Variants in CYP4A11 observed in about 807,000 individuals in gnomAD.
The protein encoded by CYP4A11 is cytochrome P450 family 4 subfamily A member 11.
In CYP4A11, 52 loss-of-function variants were observed where a neutral mutation model predicts 57.7. The observed-to-expected ratio is 0.90, with a 90% CI of 0.72 to 1.14. CYP4A11 has a LOEUF of 1.14. Ranked by LOEUF, CYP4A11 falls within the 50% of genes most tolerant of loss-of-function variation. The pLI, the probability that CYP4A11 is intolerant of heterozygous loss-of-function variation, is 0.00. For missense variants in CYP4A11, 641 were observed against 642.1 expected, an observed-to-expected ratio of 1.00 and a Z score of 0.02; for synonymous variants, 228 against 247.1, an observed-to-expected ratio of 0.92 and a Z score of 0.72.
chr1:46,935,042 G>C lies in CYP4A11; in HGVS notation c.748C>G (p.Arg250Gly), dbSNP rs1189078901. 3 of 1,614,020 alleles carry C rather than the reference G, an allele frequency of 1.9e-6. No individual in the cohort carries two copies. The highest frequency in any genetic ancestry group is 2.5e-6 in the Non-Finnish European group (3 of 1,180,030). Residue 250 changes from arginine (R) to glycine (G), a missense_variant, in exon 6 of 12, where the codon CGC (arginine) becomes GGC (glycine). Coordinates refer to ENST00000310638, the MANE Select transcript of CYP4A11 (RefSeq NM_000778.4). ...AGCTGGCAGGCGCGGTGTGTCCAGC[G>C]GCCAGCAGAGGTCAGGCTGTAGATG... ...DTIYSLTSAG[R>G]WTHRACQLAH...
At chr1:46,940,986 G>A (rs1257001785) in intron 1 of CYP4A11, 35 of 985,242 alleles carry the variant, frequency 3.6e-5, no homozygotes, top group Non-Finnish European at 4.2e-5. Flanking sequence ...CCACATGCAG[G>A]ACTGCCAAGA....
At chr1:46,934,620 A>C (rs1681262930) in intron 6 of CYP4A11, 61 bp from the exon 7 acceptor site, 1 of 1,515,074 alleles carries the variant, frequency 6.6e-7, no homozygotes, top group East Asian at 2.3e-5. Flanking sequence ...CAGGAGGCCT[A>C]GCTGCCCAAC....
Position 46,934,004 on chromosome 1 carries a change from G to T in CYP4A11, c.1164C>A (p.Gly388=), listed in dbSNP as rs1681204209. ...EALRLYPPVP[G]IGRELSTPVT... ...CGGGAGTGCTGAGCTCTCTGCCAAT[G>T]CCTGGCACCGGTGGGTAGAGCCTCA... The change falls in exon 9 of 12, where the codon GGC becomes GGA. Residue 388 remains glycine, a synonymous_variant. Coordinates refer to ENST00000310638, the MANE Select transcript of CYP4A11 (RefSeq NM_000778.4). 1.9e-6 allele frequency: 3 copies of T among 1,614,090 alleles called. No individual in the cohort carries two copies. Among genetic ancestry groups the T allele is most frequent in the Non-Finnish European group, 1.7e-6 (2 of 1,180,022 alleles).
chr1:46,939,536 A>G (rs938838517), intron 1 of CYP4A11, among the ~76,000 whole-genome samples: 2 of 152,196 alleles, frequency 1.3e-5, no homozygotes, highest in Non-Finnish European at 2.9e-5. Flanking sequence ...CTGAGGGACT[A>G]TTGGGTTACA....
At chr1:46,940,088 C>A (rs1330160884) in intron 1 of CYP4A11, among the ~76,000 whole-genome samples, 1 of 140,138 alleles carries the variant, frequency 7.1e-6, no homozygotes, top group African/African-American at 2.6e-5. Flanking sequence ...CCCCCCTCCC[C>A]TTGTAGGGAT....
intron 4 of CYP4A11, 91 bp downstream of exon 4, chr1:46,936,573 T>C: frequency 6.7e-7 from 1 of 1,485,342 alleles, no homozygotes; most frequent in East Asian, 2.4e-5. Context: ...TCTATGTCTA[T>C]GTCTGCCTGT....
In CYP4A11 at chr1:46,933,184, A is replaced by G; in HGVS notation, c.1223-137T>C. On this transcript the variant is annotated intron_variant, in intron 9 of 11. Coordinates refer to ENST00000310638, the MANE Select transcript of CYP4A11 (RefSeq NM_000778.4). ...TCACTTTGACTGGGATGATTCTGCCATTATGCAGGTGGGTTAGGCTTAACA... is the reference window on the plus strand; with the variant it reads ...TCACTTTGACTGGGATGATTCTGCCGTTATGCAGGTGGGTTAGGCTTAACA... The G allele has an allele frequency of 2.3e-6, 3 of 1,285,390 alleles. No individual in the cohort carries two copies. The South Asian group carries it at 4.2e-5, about 18-fold the overall frequency. The allele number at this position is 1,285,390 out of a possible 1,614,324, so 79.6% of individuals were successfully genotyped here. A position where few individuals can be genotyped will look rare whatever the true frequency, so the allele number is the denominator to read the frequency against.
chr1:46,933,381 A>C (rs981913699), intron 9 of CYP4A11, among the ~76,000 whole-genome samples: 1 of 152,214 alleles, frequency 6.6e-6, no homozygotes, highest in African/African-American at 2.4e-5. Context: ...ACAACGCTCC[A>C]AGTAAGACAT....
chr1:46,931,642 C>T (rs1681035070), intron 11 of CYP4A11: 2 of 679,866 alleles, frequency 2.9e-6, no homozygotes, highest in African/African-American at 3.9e-5. Flanking sequence ...GTGGCAGCGA[C>T]ATGATTTGCA....
In CYP4A11 at chr1:46,932,829, G is replaced by C; in HGVS notation, c.1296C>G (p.Asp432Glu). Residue 432 changes from aspartate to glutamate, a missense_variant, in exon 11 of 12, where the codon GAC becomes GAG. Physicochemically the swap from Asp to Glu is conservative, Grantham distance 45. Coordinates refer to ENST00000310638, the MANE Select transcript of CYP4A11 (RefSeq NM_000778.4). Reference protein sequence around the residue: ...PKVWPNPEVFDPFRFAPGSAQ... With the variant: ...PKVWPNPEVFEPFRFAPGSAQ... Reference sequence around the variant, plus strand: ...CAGAACCCGGTGCAAAACGGAAAGGGTCAAACACCTGCAGAGAGAGCACCA... The same window carrying C: ...CAGAACCCGGTGCAAAACGGAAAGGCTCAAACACCTGCAGAGAGAGCACCA... 1 of 1,614,202 alleles carries C rather than the reference G, an allele frequency of 6.2e-7. No homozygotes were observed. The highest frequency in any genetic ancestry group is 8.5e-7 in the Non-Finnish European group (1 of 1,180,034).
Position 46,939,457 on chromosome 1 carries a change from C to A in CYP4A11, c.196-1320G>T, listed in dbSNP as rs149256314. On this transcript the variant is annotated intron_variant, in intron 1 of 11. Transcript: ENST00000310638. ...AATGAAGGACAAGCATCTGGGGAAG[C>A]TTTGAAGAGGGACCTAACTCAGAAC... Among the ~76,000 whole-genome samples the A allele has an allele frequency of 6.4e-4, 98 of 152,250 alleles. No individual in the cohort carries two copies. In the East Asian group the frequency reaches 0.016, roughly 26 times the overall value.
At chr1:46,937,390 A>C in intron 2 of CYP4A11, 44 bp from the exon 3 acceptor site, 1 of 1,599,314 alleles carries the variant, frequency 6.3e-7, no homozygotes, top group Non-Finnish European at 8.6e-7. Context: ...GGAGTTACTA[A>C]GAAGGCAGTC....
chr1:46,932,764 G>A lies in CYP4A11; in HGVS notation c.1361C>T (p.Ser454Leu), dbSNP rs2148453332. ...ATTACCACACAGGACGTCTCACCTTGATCCTCCTGAGAAGGGCAGGAAAGC... is the reference window on the plus strand; with the variant it reads ...ATTACCACACAGGACGTCTCACCTTAATCCTCCTGAGAAGGGCAGGAAAGC... ...SHAFLPFSGG[S>L]RNCIGKQFAM... Residue 454 changes from serine to leucine, a missense_variant, in exon 11 of 12, where the codon TCA (serine) becomes TTA (leucine). Physicochemically the swap from Ser to Leu is moderately radical, Grantham distance 145. Transcript: ENST00000310638. The A allele has an allele frequency of 6.2e-7, 1 of 1,614,152 alleles. No individual in the cohort carries two copies. The highest frequency in any genetic ancestry group is 1.1e-5 in the South Asian group (1 of 91,068).
At chr1:46,933,771 C>A (rs1681180810) in intron 9 of CYP4A11, 175 bp downstream of exon 9, 8 of 1,158,134 alleles carry the variant, frequency 6.9e-6, no homozygotes, top group Non-Finnish European at 9.5e-6. Flanking sequence ...TTGGTGGGTT[C>A]AAGCTCTCAG....
chr1:46,938,110 T>C lies in CYP4A11; in HGVS notation c.223A>G (p.Ile75Val), dbSNP rs753908188. ...ELQQDQELQR[I>V]QKWVETFPSA... is the part of the protein sequence containing the mutation. ...GGGAATGTCTCCACCCATTTCTGAA[T>C]CCGTTGTAGCTCCTGGTCCTGTTGG... Residue 75 changes from isoleucine to valine, a missense_variant, in exon 2 of 12, where the codon ATT (isoleucine) becomes GTT (valine). Transcript: ENST00000310638. The C allele has an allele frequency of 1.9e-6, 3 of 1,614,192 alleles. No individual in the cohort carries two copies. The highest frequency in any genetic ancestry group is 4.5e-5 in the East Asian group (2 of 44,886).
At chr1:46,940,707 C>T (rs1489168743) in intron 1 of CYP4A11, 1 of 985,332 alleles carries the variant, frequency 1.0e-6, no homozygotes, top group African/African-American at 1.7e-5. Context: ...CCTATACCAG[C>T]AGATCTCTGC....
chr1:46,936,809 G>A lies in CYP4A11; in HGVS notation c.383-18C>T. Reference sequence around the variant, plus strand: ...GCCGTACCCTAAGAGAGACATGAATGTGTGTTTGTGTGTGTGTGTGTGTGT... The same window carrying A: ...GCCGTACCCTAAGAGAGACATGAATATGTGTTTGTGTGTGTGTGTGTGTGT... On this transcript the variant is annotated intron_variant, in intron 3 of 11. Coordinates refer to ENST00000310638, the MANE Select transcript of CYP4A11 (RefSeq NM_000778.4). The A allele has an allele frequency of 6.7e-7, 1 of 1,497,042 alleles. No individual in the cohort carries two copies. The highest frequency in any genetic ancestry group is 8.9e-7 in the Non-Finnish European group (1 of 1,124,704). The allele number at this position is 1,497,042 out of a possible 1,614,324, so 92.7% of individuals were successfully genotyped here.
At chr1:46,930,354 C>A (rs9333034) in intron 11 of CYP4A11, 44 bp from the exon 12 acceptor site, 11 of 1,568,334 alleles carry the variant, frequency 7.0e-6, no homozygotes, top group Non-Finnish European at 9.5e-6. Context: ...TCCTCAGGCC[C>A]CATTCTGATC....
chr1:46,933,960 C>T lies in CYP4A11; in HGVS notation c.1208G>A (p.Arg403His), dbSNP rs756586563. Reference protein sequence around the residue: ...LSTPVTFPDGRSLPKGIMVLL... With the variant: ...LSTPVTFPDGHSLPKGIMVLL... ...GAACTTCATACCTTTGGGCAAGGAG[C>T]GCCCATCAGGGAAGGTGACGGGAGT... Residue 403 changes from arginine (R) to histidine (H), a missense_variant, in exon 9 of 12, where the codon CGC (arginine) becomes CAC (histidine). Arg to His is a conservative substitution (Grantham distance 29). Transcript: ENST00000310638. 10 of 1,613,998 alleles carry T rather than the reference C, an allele frequency of 6.2e-6. No individual in the cohort carries two copies. Among genetic ancestry groups the T allele is most frequent in the African/African-American group, 2.7e-5 (2 of 74,904 alleles).
Sources: allele counts gnomAD v4.1 joint callset (sites outside exome capture counted in the v4.1 genomes callset), GRCh38; gene constraint gnomAD v4.1.1; transcripts MANE v1.5; gene names NCBI Gene and HGNC (gene_info 2026-07-23, HGNC 2026-07-21).